The following LDB2 variants were observed in gnomAD, a reference collection of about 807,000 sequenced individuals.
The protein encoded by LDB2 is LIM domain-binding protein 2.
Under a neutral mutation model 44.3 loss-of-function variants are expected in LDB2, and 12 were observed. The observed-to-expected ratio is 0.27, with a 90% CI of 0.17 to 0.44. The LOEUF (loss-of-function observed/expected upper bound fraction) is 0.44. Ranked by LOEUF, LDB2 falls within the 20% of genes least tolerant of loss-of-function variation. LDB2 has a pLI of 1.00. For missense variants in LDB2, 344 were observed against 473.5 expected, an observed-to-expected ratio of 0.73 and a Z score of 2.54; for synonymous variants, 164 against 174.8, an observed-to-expected ratio of 0.94 and a Z score of 0.49.
rs1577640148 is a variant in LDB2, at chr4:16,553,910, GA to G, written c.615+32011del. Reference sequence around the variant, plus strand: ...ACATAGCTAGTGACTGGCCAAGTAGGAATTCATGCCCACACCCTCAAACTCT... The same window carrying G: ...ACATAGCTAGTGACTGGCCAAGTAGGATTCATGCCCACACCCTCAAACTCT... On this transcript the variant is annotated intron_variant, in intron 5 of 7. Transcript: ENST00000304523. Among the ~76,000 whole-genome samples, 5 of 152,166 alleles carry G rather than the reference GA, an allele frequency of 3.3e-5. No individual in the cohort carries two copies. In the East Asian group the frequency reaches 9.7e-4, roughly 29 times the overall value.
intron 2 of LDB2, among the ~76,000 whole-genome samples, chr4:16,755,680 G>A (rs1272739603): frequency 6.6e-6 from 1 of 152,058 alleles, no homozygotes; most frequent in Non-Finnish European, 1.5e-5. Flanking sequence ...TAGCCCTAAT[G>A]TTCTTTATTC....
intron 2 of LDB2, among the ~76,000 whole-genome samples, chr4:16,658,988 A>G (rs1350333125): frequency 6.6e-6 from 1 of 152,222 alleles, no homozygotes; most frequent in Non-Finnish European, 1.5e-5. Context: ...GAAATAAACA[A>G]TCAAACAAAT....
chr4:16,648,945 A>T (rs1737520258), intron 2 of LDB2, among the ~76,000 whole-genome samples: 1 of 152,216 alleles, frequency 6.6e-6, no homozygotes. Flanking sequence ...TAAAAATGGA[A>T]GCTGAAGCCA....
At chr4:16,628,384 G>A (rs775929436) in intron 2 of LDB2, among the ~76,000 whole-genome samples, 1 of 152,146 alleles carries the variant, frequency 6.6e-6, no homozygotes, top group Non-Finnish European at 1.5e-5. Flanking sequence ...TCCAGGAGAA[G>A]CTCACCATCT....
chr4:16,670,772 T>G (rs552017433), intron 2 of LDB2, among the ~76,000 whole-genome samples: 1 of 152,274 alleles, frequency 6.6e-6, no homozygotes, highest in East Asian at 1.9e-4. Flanking sequence ...GGTTTTGTGG[T>G]GGTTGAATTA....
intron 5 of LDB2, among the ~76,000 whole-genome samples, chr4:16,542,428 A>G (rs1734168439): frequency 6.6e-6 from 1 of 152,226 alleles, no homozygotes; most frequent in Non-Finnish European, 1.5e-5. Flanking sequence ...GAGGACATGC[A>G]ATCAGGACCC....
At chr4:16,543,174 G>A (rs1734496681) in intron 5 of LDB2, among the ~76,000 whole-genome samples, 1 of 152,064 alleles carries the variant, frequency 6.6e-6, no homozygotes, top group Non-Finnish European at 1.5e-5. Flanking sequence ...GTCTATCATT[G>A]ATGGACATTT....
At chr4:16,559,518 A>G (rs1577705429) in intron 5 of LDB2, among the ~76,000 whole-genome samples, 2 of 152,230 alleles carry the variant, frequency 1.3e-5, no homozygotes, top group African/African-American at 4.8e-5. Flanking sequence ...AGAGCTAACT[A>G]TCCTAAATAT....
At chr4:16,886,380 C>T (rs1010673019) in intron 1 of LDB2, among the ~76,000 whole-genome samples, 1 of 152,004 alleles carries the variant, frequency 6.6e-6, no homozygotes, top group Non-Finnish European at 1.5e-5. Context: ...TTTAAGGACA[C>T]GGTAAAATAC....
chr4:16,595,751 G>A lies in LDB2; in HGVS notation c.360C>T (p.Cys120=), dbSNP rs751384648. 71 of 1,613,622 alleles carry A rather than the reference G, an allele frequency of 4.4e-5. No individual in the cohort carries two copies. The highest frequency in any genetic ancestry group is 4.8e-5 in the Non-Finnish European group (57 of 1,179,818). ...GCTGGGTGACCATGGTACACTGGTC[G>A]CAGTCCACCGTGATGGATGAGTTGT... ...SYHNSSITVD[C]DQCTMVTQHG... Residue 120 remains cysteine (C), a synonymous_variant, in exon 3 of 8, where the codon TGC becomes TGT. Coordinates refer to ENST00000304523, the MANE Select transcript of LDB2 (RefSeq NM_001290.5).
intron 2 of LDB2, among the ~76,000 whole-genome samples, chr4:16,632,672 T>C (rs1732335077): frequency 6.6e-6 from 1 of 152,198 alleles, no homozygotes; most frequent in Admixed American, 6.5e-5. Flanking sequence ...ATTGTATACT[T>C]AGAAAACCCC....
At chr4:16,603,873 T>C (rs1723220809) in intron 2 of LDB2, among the ~76,000 whole-genome samples, 2 of 152,194 alleles carry the variant, frequency 1.3e-5, no homozygotes, top group African/African-American at 4.8e-5. Context: ...AGTTTTTCTT[T>C]GTTCTTTCTT....
chr4:16,694,825 A>G (rs1751719759), intron 2 of LDB2, among the ~76,000 whole-genome samples: 1 of 152,218 alleles, frequency 6.6e-6, no homozygotes, highest in Non-Finnish European at 1.5e-5. Flanking sequence ...GTGCAGACGC[A>G]GGTAAACACA....
At chr4:16,700,253 C>T (rs1753149018) in intron 2 of LDB2, among the ~76,000 whole-genome samples, 1 of 152,060 alleles carries the variant, frequency 6.6e-6, no homozygotes, top group Non-Finnish European at 1.5e-5. Flanking sequence ...ACTCAAGTGC[C>T]CTGTATTCTA....
At chr4:16,771,226 C>G (rs1190560703) in intron 1 of LDB2, among the ~76,000 whole-genome samples, 1 of 152,134 alleles carries the variant, frequency 6.6e-6, no homozygotes, top group Non-Finnish European at 1.5e-5. Flanking sequence ...AAGATTTTCT[C>G]TCTTCCTACT....
In LDB2 at chr4:16,852,225, C is replaced by G. The variant is rs373410604; in HGVS notation, c.132+46129G>C. Among the ~76,000 whole-genome samples the G allele has an allele frequency of 1.4e-4, 21 of 152,264 alleles. No individual in the cohort carries two copies. The East Asian group carries it at 2.7e-3, about 20-fold the overall frequency. On this transcript the variant is annotated intron_variant, in intron 1 of 7. Coordinates refer to ENST00000304523, the MANE Select transcript of LDB2 (RefSeq NM_001290.5). ...TAGTAGGTCCTAGATACATTTTAGT[C>G]TCCATCTCTTACCCAGAACATTAGA...
intron 5 of LDB2, among the ~76,000 whole-genome samples, chr4:16,558,983 G>A (rs186293087): frequency 4.4e-4 from 67 of 152,236 alleles, no homozygotes; most frequent in South Asian, 4.2e-3. Context: ...AAGTGAAGGA[G>A]AACTAAAATA....
chr4:16,875,059 G>C (rs1717947861), intron 1 of LDB2, among the ~76,000 whole-genome samples: 1 of 152,196 alleles, frequency 6.6e-6, no homozygotes, highest in South Asian at 2.1e-4. Context: ...AAGGAAGCTA[G>C]AGAACATCTG....
At chr4:16,653,836 G>A (rs1277925752) in intron 2 of LDB2, 2 of 152,194 alleles carry the variant, frequency 1.3e-5, no homozygotes, top group African/African-American at 4.8e-5. Flanking sequence ...TGCCAGGATT[G>A]TTCCTTCCCA....
Sources: allele counts gnomAD v4.1 joint callset (sites outside exome capture counted in the v4.1 genomes callset), GRCh38; gene constraint gnomAD v4.1.1; transcripts MANE v1.5; gene names NCBI Gene and HGNC (gene_info 2026-07-23, HGNC 2026-07-21).